The following MMAB variants were observed in gnomAD, a reference collection of about 807,000 sequenced individuals.
The protein encoded by MMAB is metabolism of cobalamin associated B.
In MMAB, 17 loss-of-function variants were observed where a neutral mutation model predicts 30.6. The ratio of observed to expected loss-of-function variants is 0.56; its 90% CI spans 0.38 to 0.83. The LOEUF is 0.83. Ranked by LOEUF, MMAB falls within the 40% of genes least tolerant of loss-of-function variation. MMAB has a pLI of 0.00. For missense variants in MMAB, 311 were observed against 331.6 expected (o/e 0.94, Z 0.48); for synonymous variants, 134 against 138.6 (o/e 0.97, Z 0.23).
chr12:109,559,010 C>A (rs1884091155), intron 8 of MMAB, 86 bp downstream of exon 8: 11 of 1,009,824 alleles, frequency 1.1e-5, no homozygotes, highest in Non-Finnish European at 1.6e-5. Flanking sequence ...CTGCCCCACA[C>A]TGCTTCCCGG....
chr12:109,554,908 G>GGTGGTTTCTCAGAGAA lies in MMAB; in HGVS notation c.*2104_*2119dup, dbSNP rs1566127843. On this transcript the variant is annotated 3_prime_UTR_variant, in exon 9 of 9. Transcript: ENST00000545712. ...AGTGGTGGCATCTGCCCTGCACCCAGGTGGTTTCTCAGAGAAGTGTTTGCT... is the reference window on the plus strand; with the variant it reads ...AGTGGTGGCATCTGCCCTGCACCCAGGTGGTTTCTCAGAGAAGTGGTTTCTCAGAGAAGTGTTTGCT... 1 of 454,138 alleles carries GGTGGTTTCTCAGAGAA rather than the reference G, an allele frequency of 2.2e-6. No individual in the cohort carries two copies. Among genetic ancestry groups the GGTGGTTTCTCAGAGAA allele is most frequent in the Non-Finnish European group, 4.4e-6 (1 of 226,794 alleles). 28.1% of individuals were successfully genotyped at this position (454,138 alleles called of 1,614,324 possible). A position where few individuals can be genotyped will look rare whatever the true frequency, so the allele number is the denominator to read the frequency against.
chr12:109,558,306 C>T lies in MMAB; in HGVS notation c.644+790G>A, dbSNP rs1335639915. The stretch of plus-strand genomic sequence containing the variant: ...GTTGCTGCTTTGAAGGTGAAGTAGA[C>T]CTGCTCCTCACTCCCGGCGAAACCC... On this transcript the variant is annotated intron_variant, in intron 8 of 8. Coordinates refer to ENST00000545712, the MANE Select transcript of MMAB (RefSeq NM_052845.4). The surrounding 1 kb of genome is among the most constrained non-coding windows in gnomAD (Gnocchi z 4.3). Among the ~76,000 whole-genome samples, 1 of 152,124 alleles carries T rather than the reference C, an allele frequency of 6.6e-6. No homozygotes were observed. The highest frequency in any genetic ancestry group is 2.4e-5 in the African/African-American group (1 of 41,414).
At chr12:109,566,483 T>C (rs931118511) in intron 3 of MMAB, among the ~76,000 whole-genome samples, 1 of 152,222 alleles carries the variant, frequency 6.6e-6, no homozygotes, top group Non-Finnish European at 1.5e-5. Flanking sequence ...GTCTCCATCA[T>C]AGCGGATGCC....
intron 3 of MMAB, chr12:109,567,251 G>T (rs866137829): frequency 1.4e-5 from 5 of 350,604 alleles, no homozygotes; most frequent in Non-Finnish European, 1.1e-5. Flanking sequence ...GTGAAACATG[G>T]AATCATCTCA....
In MMAB at chr12:109,557,230, T is replaced by C. The variant is rs1024614160; in HGVS notation, c.645-94A>G. On this transcript the variant is annotated intron_variant, in intron 8 of 8. Coordinates refer to ENST00000545712, the MANE Select transcript of MMAB (RefSeq NM_052845.4). ...CCCATATCCGCCTACAAGGAGGAGA[T>C]ATAAATGACGCACTCTGGGCACATT... 31 of 889,430 alleles carry C rather than the reference T, an allele frequency of 3.5e-5. No homozygotes were observed. In the African/African-American group the frequency reaches 4.6e-4, roughly 13 times the overall value. The allele number at this position is 889,430 out of a possible 1,614,324, so 55.1% of individuals were successfully genotyped here. A position where few individuals can be genotyped will look rare whatever the true frequency, so the allele number is the denominator to read the frequency against.
intron 1 of MMAB, among the ~76,000 whole-genome samples, chr12:109,572,585 C>T (rs1884686092): frequency 6.6e-6 from 1 of 151,972 alleles, no homozygotes; most frequent in Non-Finnish European, 1.5e-5. Flanking sequence ...GGGTCTTGCT[C>T]TGTTGCCTAA....
chr12:109,571,649 C>T lies in MMAB; in HGVS notation c.196G>A (p.Gly66Arg). 1 of 1,613,978 alleles carries T rather than the reference C, an allele frequency of 6.2e-7. No homozygotes were observed. Among genetic ancestry groups the T allele is most frequent in the South Asian group, 1.1e-5 (1 of 91,080 alleles). The part of the protein sequence containing the change: ...PKIYTKTGDK[G>R]FSSTFTGERR... Reference sequence around the variant, plus strand: ...CATTTTTCACCTGTCCCCACCCTACCTTTGTCTCCCGTTTTGGTGTAAATC... The same window carrying T: ...CATTTTTCACCTGTCCCCACCCTACTTTTGTCTCCCGTTTTGGTGTAAATC... Residue 66 changes from glycine (G) to arginine (R), a missense_variant and splice_region_variant, in exon 2 of 9, where the codon GGG (glycine) becomes AGG (arginine). Physicochemically the swap from Gly to Arg is moderately radical, Grantham distance 125. Transcript: ENST00000545712.
chr12:109,566,067 T>G lies in MMAB; in HGVS notation c.291-891A>C, dbSNP rs567465644. The stretch of plus-strand genomic sequence containing the variant: ...GGGCAAGGGTCGGGGAAGGTACAAC[T>G]CACCCTGGAGGGAGCTGAATTCTGG... On this transcript the variant is annotated intron_variant, in intron 3 of 8. Transcript: ENST00000545712. Among the ~76,000 whole-genome samples the G allele has an allele frequency of 2.0e-5, 3 of 152,188 alleles. No homozygotes were observed. In the East Asian group the frequency reaches 5.8e-4, roughly 30 times the overall value.
rs1044400779 is a variant in MMAB, at chr12:109,561,937, C to T, written c.349-85G>A. The T allele has an allele frequency of 1.9e-5, 23 of 1,222,382 alleles. No homozygotes were observed. Among genetic ancestry groups the T allele is most frequent in the Middle Eastern group, 1.9e-4 (1 of 5,356 alleles). 75.7% of individuals were successfully genotyped at this position (1,222,382 alleles called of 1,614,324 possible). The stretch of plus-strand genomic sequence containing the variant: ...TGTGCAGAGGCGCCACCTAATACGC[C>T]GGCAAAGCCTGTGCCAGCTAGCTCA... On this transcript the variant is annotated intron_variant, in intron 4 of 8. Coordinates refer to ENST00000545712, the MANE Select transcript of MMAB (RefSeq NM_052845.4). The surrounding 1 kb of genome is among the most constrained non-coding windows in gnomAD (Gnocchi z 5.3).
chr12:109,565,203 G>C, intron 3 of MMAB, 27 bp from the exon 4 acceptor site: 1 of 1,586,326 alleles, frequency 6.3e-7, no homozygotes, highest in Non-Finnish European at 8.7e-7. Context: ...AAAAGAATTT[G>C]CCTGTAATGT....
Position 109,553,825 on chromosome 12 carries a change from A to G in MMAB, c.*3203T>C, listed in dbSNP as rs1250153963. 6.6e-6 allele frequency: 3 copies of G among 453,564 alleles called. No homozygotes were observed. Among genetic ancestry groups the G allele is most frequent in the South Asian group, 1.6e-5 (1 of 64,478 alleles). 28.1% of individuals were successfully genotyped at this position (453,564 alleles called of 1,614,324 possible). On this transcript the variant is annotated 3_prime_UTR_variant, in exon 9 of 9. Coordinates refer to ENST00000545712, the MANE Select transcript of MMAB (RefSeq NM_052845.4). ...TAGTGATCACTGGGACAGGGCGATC[A>G]TAAAACTGAATGGGCTGTCGGAAGG...
chr12:109,568,762 C>G lies in MMAB; in HGVS notation c.290+8G>C. ...ACGCAACCTCAAGGCCAATCCTGTC[C>G]CCCTTACCCAATAGCTGAACTTAAT... On this transcript the variant is annotated splice_region_variant and intron_variant, in intron 3 of 8. Coordinates refer to ENST00000545712, the MANE Select transcript of MMAB (RefSeq NM_052845.4). 6.2e-7 allele frequency: 1 copy of G among 1,609,502 alleles called. No individual in the cohort carries two copies. The highest frequency in any genetic ancestry group is 8.5e-7 in the Non-Finnish European group (1 of 1,175,776).
In MMAB at chr12:109,555,449, ATTTTTTTT is replaced by A. The variant is rs34507867; in HGVS notation, c.*1571_*1578del. The A allele has an allele frequency of 4.7e-5, 15 of 318,558 alleles. No homozygotes were observed. The highest frequency in any genetic ancestry group is 1.7e-4 in the East Asian group (2 of 11,860). The allele number at this position is 318,558 out of a possible 1,614,324, so 19.7% of individuals were successfully genotyped here. ...AGGCACCCGCCACCATGCCCAGCTAATTTTTTTTTTTTTTTTTTTTTTTTAGCAGAAAT... is the reference window on the plus strand; with the variant it reads ...AGGCACCCGCCACCATGCCCAGCTAATTTTTTTTTTTTTTTTAGCAGAAAT... On this transcript the variant is annotated 3_prime_UTR_variant, in exon 9 of 9. Transcript: ENST00000545712.
chr12:109,556,604 C>T lies in MMAB; in HGVS notation c.*424G>A, dbSNP rs551461624. 11 of 454,806 alleles carry T rather than the reference C, an allele frequency of 2.4e-5. No homozygotes were observed. The highest frequency in any genetic ancestry group is 2.0e-4 in the African/African-American group (10 of 49,634). The allele number at this position is 454,806 out of a possible 1,614,324, so 28.2% of individuals were successfully genotyped here. On this transcript the variant is annotated 3_prime_UTR_variant, in exon 9 of 9. Transcript: ENST00000545712. The stretch of plus-strand genomic sequence containing the variant: ...ATTTTCAAGGGCCTCTGGTCCCATT[C>T]CAAATCTGTGAACAACCTGAGCTGG...
At position 109,553,841 on chromosome 12, in the gene MMAB, T is replaced by C. The variant is rs1883874089; in HGVS notation, c.*3187A>G. 2.2e-6 allele frequency: 1 copy of C among 453,736 alleles called. No homozygotes were observed. Among genetic ancestry groups the C allele is most frequent in the Non-Finnish European group, 4.4e-6 (1 of 226,532 alleles). The allele number at this position is 453,736 out of a possible 1,614,324, so 28.1% of individuals were successfully genotyped here. A position where few individuals can be genotyped will look rare whatever the true frequency, so the allele number is the denominator to read the frequency against. On this transcript the variant is annotated 3_prime_UTR_variant, in exon 9 of 9. Coordinates refer to ENST00000545712, the MANE Select transcript of MMAB (RefSeq NM_052845.4). Reference sequence around the variant, plus strand: ...AGGGCGATCATAAAACTGAATGGGCTGTCGGAAGGTGTCGAGGCAGCAGCA... The same window carrying C: ...AGGGCGATCATAAAACTGAATGGGCCGTCGGAAGGTGTCGAGGCAGCAGCA...
rs903547684 is a variant in MMAB, at chr12:109,560,572, C to T, written c.584+468G>A. On this transcript the variant is annotated intron_variant, in intron 7 of 8. Transcript: ENST00000545712. ...GAGGTGGTGGCTAGTCTGCTGACAACGTCCACCTGGGCTCCCCACAGCCAT... is the reference window on the plus strand; with the variant it reads ...GAGGTGGTGGCTAGTCTGCTGACAATGTCCACCTGGGCTCCCCACAGCCAT... 7.2e-5 allele frequency among the ~76,000 whole-genome samples: 11 copies of T among 152,286 alleles called. No homozygotes were observed. The South Asian group carries it at 8.3e-4, about 11-fold the overall frequency.
intron 2 of MMAB, among the ~76,000 whole-genome samples, chr12:109,570,369 A>G (rs1022771044): frequency 6.6e-6 from 1 of 152,184 alleles, no homozygotes; most frequent in Non-Finnish European, 1.5e-5. Flanking sequence ...CAACCCTACA[A>G]TAAGTCCTTT....
chr12:109,562,845 G>A (rs1231704215), intron 4 of MMAB, among the ~76,000 whole-genome samples: 8 of 152,144 alleles, frequency 5.3e-5, no homozygotes, highest in Admixed American at 3.3e-4. Flanking sequence ...GTCTGTTAAG[G>A]TCTGCTGCAG....
intron 4 of MMAB, chr12:109,564,870 G>A: frequency 1.7e-6 from 1 of 600,832 alleles, no homozygotes; most frequent in South Asian, 1.9e-5. Context: ...GTAGAGTCAG[G>A]GTCTTATTAT....
Sources: gnomAD v4.1 joint callset for allele counts (sites outside exome capture counted in the v4.1 genomes callset) on GRCh38, gnomAD v4.1.1 for gene constraint, Gnocchi (gnomAD v3.1) non-coding constraint, MANE v1.5 for transcripts, NCBI Gene and HGNC (gene_info 2026-07-23, HGNC 2026-07-21) for gene names.